The following SCMH1 variants were observed in gnomAD, a reference collection of about 807,000 sequenced individuals.
SCMH1 encodes the protein polycomb protein SCMH1.
A neutral mutation model predicts 70.8 loss-of-function variants in SCMH1; 37 were observed. That is an observed-to-expected ratio of 0.52 (90% CI 0.40 to 0.69). SCMH1 has a LOEUF of 0.69. Ranked by LOEUF, SCMH1 falls within the 30% of genes least tolerant of loss-of-function variation. The pLI, the probability that SCMH1 is intolerant of heterozygous loss-of-function variation, is 0.00. For missense variants in SCMH1, 607 were observed against 827.3 expected, an observed-to-expected ratio of 0.73 and a Z score of 3.27; for synonymous variants, 292 against 307.4, an observed-to-expected ratio of 0.95 and a Z score of 0.52.
chr1:41,176,338 G>A (rs369525220), intron 2 of SCMH1, among the ~76,000 whole-genome samples: 77 of 152,246 alleles, frequency 5.1e-4, no homozygotes, highest in Admixed American at 1.0e-3. Flanking sequence ...ACAGAAGACC[G>A]GTGATTTCTG....
intron 10 of SCMH1, among the ~76,000 whole-genome samples, chr1:41,068,352 C>T (rs954344972): frequency 6.6e-6 from 1 of 152,088 alleles, no homozygotes; most frequent in African/African-American, 2.4e-5. Flanking sequence ...ACTGAATAAA[C>T]AGGTATGACG....
At chr1:41,164,108 T>C (rs1167805329) in intron 2 of SCMH1, among the ~76,000 whole-genome samples, 1 of 152,120 alleles carries the variant, frequency 6.6e-6, no homozygotes, top group Middle Eastern at 3.2e-3. Flanking sequence ...ATTAACATCA[T>C]TCTCTGGCAA....
intron 8 of SCMH1, among the ~76,000 whole-genome samples, chr1:41,104,552 A>C (rs527932064): frequency 2.0e-5 from 3 of 152,256 alleles, no homozygotes; most frequent in Non-Finnish European, 4.4e-5. Context: ...TTTGATCATT[A>C]AGCATTGTAT....
At chr1:41,176,437 C>G (rs1050468079) in intron 2 of SCMH1, among the ~76,000 whole-genome samples, 1 of 152,168 alleles carries the variant, frequency 6.6e-6, no homozygotes, top group African/African-American at 2.4e-5. Context: ...GAGCATGAGC[C>G]GAAGCAGGGC....
intron 5 of SCMH1, among the ~76,000 whole-genome samples, chr1:41,148,247 A>T (rs547688155): frequency 6.6e-6 from 1 of 152,340 alleles, no homozygotes; most frequent in South Asian, 2.1e-4. Flanking sequence ...TCATCCTCAC[A>T]ATATACGGTT....
At chr1:41,071,170 C>T (rs1325492184) in intron 9 of SCMH1, among the ~76,000 whole-genome samples, 3 of 152,162 alleles carry the variant, frequency 2.0e-5, no homozygotes, top group Non-Finnish European at 4.4e-5. Context: ...TCTCTCTTCA[C>T]CTCATTACCT....
In SCMH1 at chr1:41,095,448, G is replaced by A. The variant is rs185106925; in HGVS notation, c.745+17835C>T. On this transcript the variant is annotated intron_variant, in intron 8 of 14. Transcript: ENST00000337495. The stretch of plus-strand genomic sequence containing the variant: ...AACCTATTCCCAAGTGACAGCACAC[G>A]TATTGGGCAGTGAAAACTGGGAAAA... Among the ~76,000 whole-genome samples the A allele has an allele frequency of 9.4e-4, 143 of 152,248 alleles. 2 individuals are homozygous for A. The highest frequency in any genetic ancestry group is 9.3e-3 in the Admixed American group (142 of 15,292).
chr1:41,151,681 T>G (rs929340804), exon 5 of SCMH1: 3 of 1,610,362 alleles, frequency 1.9e-6, no homozygotes, highest in Admixed American at 3.3e-5. Flanking sequence ...CCAGGTAAAA[T>G]GACCTGTAAA....
At chr1:41,080,616 A>G (rs772696488) in intron 8 of SCMH1, among the ~76,000 whole-genome samples, 6 of 152,194 alleles carry the variant, frequency 3.9e-5, no homozygotes, top group Non-Finnish European at 8.8e-5. Context: ...AAGGTTAACA[A>G]TGGAAAATAC....
chr1:41,029,161 G>C (rs1428641029), intron 13 of SCMH1, among the ~76,000 whole-genome samples: 4 of 152,244 alleles, frequency 2.6e-5, no homozygotes, highest in Admixed American at 1.3e-4. Context: ...CTTTTCCAAG[G>C]CCTGGAGAAT....
At chr1:41,073,166 T>A (rs1657107720) in intron 9 of SCMH1, among the ~76,000 whole-genome samples, 1 of 152,288 alleles carries the variant, frequency 6.6e-6, no homozygotes, top group African/African-American at 2.4e-5. Flanking sequence ...ATACTTCTAA[T>A]TCCCTCTCCC....
intron 8 of SCMH1, among the ~76,000 whole-genome samples, chr1:41,091,218 AG>A (rs1663388218): frequency 6.6e-6 from 1 of 152,162 alleles, no homozygotes; most frequent in Non-Finnish European, 1.5e-5. Flanking sequence ...CTGGGATGCA[AG>A]GCTGGTTCAA....
chr1:41,061,360 T>C (rs113768417), intron 10 of SCMH1, among the ~76,000 whole-genome samples: 4,838 of 152,202 alleles, frequency 0.032, 242 homozygotes, highest in African/African-American at 0.11. Flanking sequence ...TAAAGACATA[T>C]ATAGATTAAA....
Position 41,221,101 on chromosome 1 carries a change from C to T in SCMH1, c.-118+20958G>A, listed in dbSNP as rs79716627. Reference sequence around the variant, plus strand: ...ATGGTAACCATTATCACTATTATTACCACCATCATCATCAATACCGTATTT... The same window carrying T: ...ATGGTAACCATTATCACTATTATTATCACCATCATCATCAATACCGTATTT... On this transcript the variant is annotated intron_variant, in intron 1 of 14. Coordinates refer to ENST00000337495, the Ensembl canonical transcript of SCMH1. Among the ~76,000 whole-genome samples the T allele has an allele frequency of 5.8e-3, 879 of 152,252 alleles. 9 individuals carry two copies. The highest frequency in any genetic ancestry group is 0.02 in the African/African-American group (834 of 41,544).
intron 2 of SCMH1, 133 bp downstream of exon 2, chr1:41,185,988 A>T: frequency 1.1e-6 from 1 of 910,608 alleles, no homozygotes; most frequent in Non-Finnish European, 1.6e-6. Flanking sequence ...CATGCCAATG[A>T]CAAAAATGAC....
intron 1 of SCMH1, among the ~76,000 whole-genome samples, chr1:41,203,217 T>G (rs889300124): frequency 6.6e-6 from 1 of 152,146 alleles, no homozygotes; most frequent in Non-Finnish European, 1.5e-5. Flanking sequence ...TCACAAATAC[T>G]TGATCCGTAT....
At chr1:41,144,615 C>T (rs1287245651) in intron 5 of SCMH1, among the ~76,000 whole-genome samples, 1 of 152,084 alleles carries the variant, frequency 6.6e-6, no homozygotes, top group African/African-American at 2.4e-5. Flanking sequence ...TACGTATATA[C>T]TTATGAGTGA....
At chr1:41,232,034 A>G (rs1307432312) in intron 1 of SCMH1, among the ~76,000 whole-genome samples, 1 of 152,020 alleles carries the variant, frequency 6.6e-6, no homozygotes, top group Non-Finnish European at 1.5e-5. Context: ...AAAAAAAAAA[A>G]AAAGAAATTT....
intron 1 of SCMH1, among the ~76,000 whole-genome samples, chr1:41,215,909 A>G (rs1332700822): frequency 1.3e-5 from 2 of 152,202 alleles, no homozygotes; most frequent in Non-Finnish European, 2.9e-5. Flanking sequence ...CAGAAAGTAC[A>G]CAAATGTTAA....
Sources: allele counts gnomAD v4.1 joint callset (sites outside exome capture counted in the v4.1 genomes callset), GRCh38; gene constraint gnomAD v4.1.1; transcripts MANE v1.5; gene names NCBI Gene and HGNC (gene_info 2026-07-23, HGNC 2026-07-21).